Variants in CFAP69 observed in about 807,000 individuals in gnomAD.
The protein encoded by CFAP69 is cilia and flagella associated protein 69, also known as cilia- and flagella-associated protein 69.
In CFAP69, 92 loss-of-function variants were observed where a neutral mutation model predicts 123.0. The ratio of observed to expected loss-of-function variants is 0.75; its 90% confidence interval spans 0.63 to 0.89. The LOEUF (loss-of-function observed/expected upper bound fraction) is 0.89, where lower values mean the gene tolerates loss of function less well. CFAP69 is among the 40% of genes least tolerant of loss of function. The pLI is 0.00. For missense variants in CFAP69, 1,067 were observed against 1,096.9 expected (o/e 0.97, Z 0.39); for synonymous variants, 380 against 364.3 (o/e 1.04, Z -0.49).
chr7:90,309,566 A>C (rs1341148013), intron 22 of CFAP69, among the ~76,000 whole-genome samples, 199 bp downstream of exon 22: 24 of 152,070 alleles, frequency 1.6e-4, no homozygotes. Context: ...AATAAAAAAA[A>C]AACTTAGGCC....
chr7:90,304,369 T>C, intron 18 of CFAP69: 2 of 1,226,314 alleles, frequency 1.6e-6, no homozygotes, highest in Non-Finnish European at 2.0e-6. Context: ...TTAGTTTAGA[T>C]GATTAAGCTT....
At position 90,291,283 on chromosome 7, in the gene CFAP69, G is replaced by A. The variant is rs1209049456; in HGVS notation, c.1775+2931G>A. Reference sequence around the variant, plus strand: ...GGATTATTTATGCCTCCCCTTTATAGAACATATAAGTTAACTTCCTGATGT... The same window carrying A: ...GGATTATTTATGCCTCCCCTTTATAAAACATATAAGTTAACTTCCTGATGT... On this transcript the variant is annotated intron_variant, in intron 15 of 22. Transcript: ENST00000389297. Among the ~76,000 whole-genome samples, 3 of 152,062 alleles carry A rather than the reference G, an allele frequency of 2.0e-5. No individual in the cohort carries two copies. In the East Asian group the frequency reaches 5.8e-4, roughly 29 times the overall value.
intron 8 of CFAP69, among the ~76,000 whole-genome samples, chr7:90,272,997 A>G (rs1800179707): frequency 6.6e-6 from 1 of 152,192 alleles, no homozygotes; most frequent in East Asian, 1.9e-4. Context: ...GTAAATGCCT[A>G]AATAAAAATA....
At chr7:90,313,859 A>T (rs1215316804), downstream of CFAP69, among the ~76,000 whole-genome samples, 1 of 152,160 alleles carries the variant, frequency 6.6e-6, no homozygotes, top group Non-Finnish European at 1.5e-5. Flanking sequence ...TTTCCAGAGG[A>T]TGTAATATAG....
Position 90,299,890 on chromosome 7 carries a change from T to A in CFAP69, c.1881T>A (p.Asn627Lys). Residue 627 changes from asparagine to lysine, a missense_variant, in exon 17 of 23, where the codon AAT becomes AAA. Transcript: ENST00000389297. ...LLALNQKKFC[N>K]LILGIMVEFC... ...AGTTGAACCAAAAAAAATTCTGTAATCTAATACTTGGAATAATGGTTGAAT... is the reference window on the plus strand; with the variant it reads ...AGTTGAACCAAAAAAAATTCTGTAAACTAATACTTGGAATAATGGTTGAAT... 6.2e-7 allele frequency: 1 copy of A among 1,607,346 alleles called. No individual in the cohort carries two copies. The highest frequency in any genetic ancestry group is 8.5e-7 in the Non-Finnish European group (1 of 1,177,188).
intron 1 of CFAP69, among the ~76,000 whole-genome samples, chr7:90,254,750 A>G (rs890801138): frequency 1.1e-4 from 17 of 152,200 alleles, no homozygotes; most frequent in African/African-American, 4.1e-4. Flanking sequence ...AGAGGCATTA[A>G]TGGGGAGTCA....
Position 90,265,380 on chromosome 7 carries a change from A to G in CFAP69, c.433+3A>G, listed in dbSNP as rs763778678. On this transcript the variant is annotated splice_donor_region_variant and intron_variant, in intron 5 of 22. Coordinates refer to ENST00000389297, the MANE Select transcript of CFAP69 (RefSeq NM_001039706.3). ...TGCTAATTCAATTGCACTTCTGGGT[A>G]AGTTAAGATTTCCTTAAGGTATAGG... 23 of 1,597,114 alleles carry G rather than the reference A, an allele frequency of 1.4e-5. No homozygotes were observed.
intron 22 of CFAP69, 35 bp downstream of exon 22, chr7:90,309,402 A>G (rs766658082): frequency 8.1e-7 from 1 of 1,232,794 alleles, no homozygotes; most frequent in Admixed American, 2.3e-5. Context: ...TTCTTAATAG[A>G]CATTAAATTT....
rs376993222 is a variant in CFAP69, at chr7:90,310,509, T to C, written c.*271T>C. On this transcript the variant is annotated 3_prime_UTR_variant, in exon 23 of 23. Transcript: ENST00000389297. ...GTACATCAGTTAGGACTCTGTTGGT[T>C]GCATGTGAACTATTCTAACTAGTTT... is the stretch of plus-strand genomic sequence containing the variant. 2.5e-4 allele frequency: 49 copies of C among 199,476 alleles called. 1 individual carries two copies. In the South Asian group the frequency reaches 6.5e-3, roughly 27 times the overall value. 12.4% of individuals were successfully genotyped at this position (199,476 alleles called of 1,614,324 possible). A position where few individuals can be genotyped will look rare whatever the true frequency, so the allele number is the denominator to read the frequency against.
rs544121338 is a variant in CFAP69 at position 90,298,860 on chromosome 7, A to G, written c.1858-1007A>G. On this transcript the variant is annotated intron_variant, in intron 16 of 22. Coordinates refer to ENST00000389297, the MANE Select transcript of CFAP69 (RefSeq NM_001039706.3). ...CAACCAAATTAATTGCAAATTACAG[A>G]TATTATTTAATGAAGATTTTATATC... Among the ~76,000 whole-genome samples the G allele has an allele frequency of 2.4e-4, 37 of 152,288 alleles. No homozygotes were observed. In the South Asian group the frequency reaches 7.5e-3, roughly 31 times the overall value.
rs1796224291 is a variant in CFAP69, at chr7:90,245,569, AGAGGTGGAGG to A, written c.120+27_120+36del. ...GGTATGAGCAGGTGTCTGTGCTTTC[AGAGGTGGAGG>A]GGGTGGGAGTGAAGTCTCGAGACGG... On this transcript the variant is annotated intron_variant, in intron 1 of 22. Coordinates refer to ENST00000389297, the MANE Select transcript of CFAP69 (RefSeq NM_001039706.3). 4.1e-6 allele frequency: 6 copies of A among 1,451,848 alleles called. No individual in the cohort carries two copies. In the Admixed American group the frequency reaches 1.6e-4, roughly 39 times the overall value. 89.9% of individuals were successfully genotyped at this position (1,451,848 alleles called of 1,614,324 possible). A position where few individuals can be genotyped will look rare whatever the true frequency, so the allele number is the denominator to read the frequency against.
rs1562929143 is a variant in CFAP69 at position 90,307,092 on chromosome 7, T to C, written c.2457T>C (p.Tyr819=). Reference sequence around the variant, plus strand: ...ACATGCAAAATGAACAAAAAGTATATGCAAAAGTAAGCTACATAGGTAGTG... The same window carrying C: ...ACATGCAAAATGAACAAAAAGTATACGCAAAAGTAAGCTACATAGGTAGTG... ...CQDMQNEQKV[Y]AKIQATHKQR... Residue 819 remains tyrosine (Y), a synonymous_variant, in exon 20 of 23, where the codon TAT becomes TAC. Transcript: ENST00000389297. The C allele has an allele frequency of 6.2e-7, 1 of 1,609,940 alleles. No homozygotes were observed. Among genetic ancestry groups the C allele is most frequent in the East Asian group, 2.2e-5 (1 of 44,752 alleles).
rs765383438 is a variant in CFAP69, at chr7:90,309,280, A to G, written c.2568A>G (p.Gln856=). The change falls in exon 22 of 23, where the codon CAA becomes CAG. Residue 856 remains glutamine (Q), a synonymous_variant. Transcript: ENST00000389297. ...AKTLKKAKSL[Q]EKAIEASRYH... is the part of the protein sequence containing the mutation. ...ATCCTCAGAAAGCAAAAAGCCTTCA[A>G]GAAAAAGCTATAGAAGCCTCCAGAT... 10 of 1,548,440 alleles carry G rather than the reference A, an allele frequency of 6.5e-6. No homozygotes were observed. Among genetic ancestry groups the G allele is most frequent in the Non-Finnish European group, 8.7e-6 (10 of 1,150,412 alleles).
chr7:90,271,477 G>T, intron 6 of CFAP69, 49 bp from the exon 7 acceptor site: 2 of 1,526,918 alleles, frequency 1.3e-6, no homozygotes, highest in South Asian at 2.5e-5. Context: ...TTGTCTTAAT[G>T]ATCATTCTGT....
At chr7:90,321,679 C>T in the CFAP69 span, among the ~76,000 whole-genome samples, 4 of 152,236 alleles carry the variant, frequency 2.6e-5, no homozygotes, top group Admixed American at 1.3e-4. Context: ...GCTGTGAACT[C>T]TCTTAAAATG....
At position 90,271,959 on chromosome 7, in the gene CFAP69, G is replaced by A. The variant is rs1554359685; in HGVS notation, c.860+1G>A. The A allele has an allele frequency of 1.2e-6, 2 of 1,608,810 alleles. No homozygotes were observed. Among genetic ancestry groups the A allele is most frequent in the East Asian group, 4.5e-5 (2 of 44,788 alleles). On this transcript the variant is annotated splice_donor_variant, in intron 8 of 22. Coordinates refer to ENST00000389297, the MANE Select transcript of CFAP69 (RefSeq NM_001039706.3). LOFTEE classifies it high-confidence loss of function. Reference sequence around the variant, plus strand: ...AGCTTAGTAACTTGGAATGTTTGCTGTAAGCGTATGTGGTTAGATAGGAAT... The same window carrying A: ...AGCTTAGTAACTTGGAATGTTTGCTATAAGCGTATGTGGTTAGATAGGAAT...
At chr7:90,278,325 A>T (rs1040525716) in intron 11 of CFAP69, among the ~76,000 whole-genome samples, 1 of 152,160 alleles carries the variant, frequency 6.6e-6, no homozygotes. Context: ...TGAGCATTTA[A>T]CTGAGCTGAA....
downstream of CFAP69, among the ~76,000 whole-genome samples, chr7:90,314,993 C>T (rs1266701572): frequency 1.3e-5 from 2 of 151,478 alleles, no homozygotes; most frequent in East Asian, 1.9e-4. Flanking sequence ...AGCCAACAAG[C>T]GTATGAAAAA....
At chr7:90,262,848 C>G (rs995632466) in intron 4 of CFAP69, among the ~76,000 whole-genome samples, 2 of 151,804 alleles carry the variant, frequency 1.3e-5, no homozygotes, top group African/African-American at 4.8e-5. Context: ...CTAACTCTCA[C>G]TTTTAGATTT....
Sources: gnomAD v4.1 joint callset for allele counts (sites outside exome capture counted in the v4.1 genomes callset) on GRCh38, gnomAD v4.1.1 for gene constraint, MANE v1.5 for transcripts, NCBI Gene and HGNC (gene_info 2026-07-23, HGNC 2026-07-21) for gene names.